Variants in PCDH15 observed in about 807,000 individuals in gnomAD.
PCDH15 encodes the protein protocadherin-15.
Under a neutral mutation model 178.5 loss-of-function variants are expected in PCDH15, and 129 were observed. The observed-to-expected ratio is 0.72, with a 90% CI of 0.63 to 0.84. PCDH15 has a LOEUF of 0.84. Among genes scored for constraint, PCDH15 ranks in the 40% least tolerant of loss-of-function variants. The pLI is 0.00. For synonymous variants in PCDH15, 800 were observed against 732.0 expected (o/e 1.09, Z -1.50); for missense variants, 2,230 against 2,099.9 (o/e 1.06, Z -1.21).
intron 1 of PCDH15, among the ~76,000 whole-genome samples, chr10:54,731,563 T>TATATATATATATACAC: frequency 6.0e-5 from 3 of 49,882 alleles, no homozygotes; most frequent in African/African-American, 1.3e-4. Context: ...TATATATATA[T>TATATATATATATACAC]ACACACACAC....
chr10:54,026,968 G>T (rs927622304), intron 18 of PCDH15, among the ~76,000 whole-genome samples: 8 of 148,494 alleles, frequency 5.4e-5, no homozygotes, highest in African/African-American at 2.0e-4. Context: ...GGAAATAAAG[G>T]GTATTCAATT....
At chr10:55,352,989 A>T (rs1000663383) in intron 2 of PCDH15, among the ~76,000 whole-genome samples, 7 of 152,148 alleles carry the variant, frequency 4.6e-5, no homozygotes, top group Non-Finnish European at 7.4e-5. Context: ...TGGTCAACAG[A>T]AAGGGCCCAA....
chr10:54,188,849 C>T (rs947131702), intron 11 of PCDH15, among the ~76,000 whole-genome samples: 1 of 151,724 alleles, frequency 6.6e-6, no homozygotes, highest in Non-Finnish European at 1.5e-5. Context: ...CATGTATAGA[C>T]ATATGTGCAC....
intron 8 of PCDH15, among the ~76,000 whole-genome samples, chr10:54,279,850 C>T (rs1242622735): frequency 6.6e-6 from 1 of 151,732 alleles, no homozygotes; most frequent in East Asian, 1.9e-4. Context: ...GCATGGTAGA[C>T]ATCTGGTTTA....
intron 15 of PCDH15, among the ~76,000 whole-genome samples, chr10:54,097,109 C>T (rs1290218222): frequency 6.6e-6 from 1 of 152,138 alleles, no homozygotes; most frequent in Non-Finnish European, 1.5e-5. Context: ...ATATCAACAA[C>T]TCTCCATAAT....
chr10:55,241,275 T>C (rs1841535911), intron 1 of PCDH15, among the ~76,000 whole-genome samples: 1 of 152,104 alleles, frequency 6.6e-6, no homozygotes, highest in African/African-American at 2.4e-5. Context: ...CTATCACTGG[T>C]TTAAAATTTT....
chr10:54,567,840 C>T (rs978494299), intron 2 of PCDH15, among the ~76,000 whole-genome samples: 2 of 152,110 alleles, frequency 1.3e-5, no homozygotes, highest in Non-Finnish European at 2.9e-5. Flanking sequence ...GAAGAAGTCA[C>T]AGAGTTACAT....
intron 3 of PCDH15, among the ~76,000 whole-genome samples, chr10:54,866,212 T>C (rs542750160): frequency 6.6e-6 from 1 of 152,320 alleles, no homozygotes; most frequent in African/African-American, 2.4e-5. Flanking sequence ...TTCAAAGGAA[T>C]GTTATTATTG....
intron 1 of PCDH15, among the ~76,000 whole-genome samples, chr10:55,306,527 A>C (rs1843430907): frequency 6.6e-6 from 1 of 152,200 alleles, no homozygotes; most frequent in African/African-American, 2.4e-5. Context: ...ACGGCAGTAA[A>C]AACTGTGATA....
At position 55,000,687 on chromosome 10, in the gene PCDH15, G is replaced by A. The variant is rs572108293; in HGVS notation, c.-79-103187C>T. On this transcript the variant is annotated intron_variant, in intron 2 of 5. Coordinates refer to the PCDH15 transcript ENST00000458638. ...TGTTCAGAGATTGCAGTAAAGACAG[G>A]CGTAAGAAATTATAAAAGTATTAAT... is the stretch of plus-strand genomic sequence containing the variant. Among the ~76,000 whole-genome samples the A allele has an allele frequency of 5.9e-5, 9 of 152,274 alleles. No homozygotes were observed. The South Asian group carries it at 1.0e-3, about 18-fold the overall frequency.
intron 2 of PCDH15, among the ~76,000 whole-genome samples, chr10:55,564,162 T>C (rs1009214736): frequency 2.6e-5 from 4 of 151,754 alleles, no homozygotes; most frequent in African/African-American, 9.7e-5. Flanking sequence ...GTTTTATACA[T>C]AATAGAGAAT....
At chr10:55,186,053 T>A (rs1216075416) in intron 1 of PCDH15, among the ~76,000 whole-genome samples, 1 of 151,794 alleles carries the variant, frequency 6.6e-6, no homozygotes, top group Non-Finnish European at 1.5e-5. Flanking sequence ...AGAAAAGTCA[T>A]CAAGGATGTC....
At chr10:55,333,634 G>C (rs1295845580) in intron 2 of PCDH15, among the ~76,000 whole-genome samples, 1 of 151,944 alleles carries the variant, frequency 6.6e-6, no homozygotes, top group African/African-American at 2.4e-5. Context: ...TACAGAGGAT[G>C]TTATTTGATG....
At chr10:54,099,355 C>T (rs1186826233) in intron 15 of PCDH15, among the ~76,000 whole-genome samples, 1 of 151,584 alleles carries the variant, frequency 6.6e-6, no homozygotes, top group Admixed American at 6.6e-5. Flanking sequence ...AAAAAATTAG[C>T]TAGGCATGGT....
intron 1 of PCDH15, among the ~76,000 whole-genome samples, chr10:55,225,008 A>G (rs1467415287): frequency 6.6e-6 from 1 of 152,068 alleles, no homozygotes; most frequent in Non-Finnish European, 1.5e-5. Context: ...TCTTCTTTAG[A>G]CATCTTCTTA....
Position 55,175,008 on chromosome 10 carries a change from GCCGACTTACAAACAGCAGAGAA to G in PCDH15, c.-155-8379_-155-8358del, listed in dbSNP as rs1278563212. On this transcript the variant is annotated intron_variant, in intron 1 of 5. Transcript: ENST00000458638. ...ACTTTTGACTACCACTGAGAAGCAG[GCCGACTTACAAACAGCAGAGAA>G]GTTTGGGGATGAGCTTAGTTTTCCA... Among the ~76,000 whole-genome samples, 1,331 of 152,114 alleles carry G rather than the reference GCCGACTTACAAACAGCAGAGAA, an allele frequency of 8.8e-3. 10 individuals carry two copies. The highest frequency in any genetic ancestry group is 0.02 in the Middle Eastern group (6 of 294).
intron 1 of PCDH15, among the ~76,000 whole-genome samples, chr10:54,704,399 T>G (rs569959155): frequency 7.0e-4 from 106 of 152,204 alleles, no homozygotes; most frequent in Admixed American, 1.8e-3. Flanking sequence ...AGAGAATATT[T>G]GCAAATTGTG....
intron 3 of PCDH15, among the ~76,000 whole-genome samples, chr10:54,489,126 A>G (rs1363980932): frequency 6.6e-6 from 1 of 152,038 alleles, no homozygotes; most frequent in African/African-American, 2.4e-5. Flanking sequence ...TCAATTCTGA[A>G]GGAGCTAAGA....
chr10:54,075,163 G>T (rs1267391145), intron 17 of PCDH15, among the ~76,000 whole-genome samples: 1 of 151,880 alleles, frequency 6.6e-6, no homozygotes, highest in Non-Finnish European at 1.5e-5. Context: ...AGATCACGAG[G>T]TCAGGAGATT....
Sources: allele counts gnomAD v4.1 joint callset (sites outside exome capture counted in the v4.1 genomes callset), GRCh38; gene constraint gnomAD v4.1.1; transcripts MANE v1.5; gene names NCBI Gene and HGNC (gene_info 2026-07-23, HGNC 2026-07-21).